PPP1R3A: variants seen among roughly 807,000 people sequenced by gnomAD.
PPP1R3A encodes the protein protein phosphatase 1 regulatory subunit 3A.
PPP1R3A carries 29 observed loss-of-function variants against 41.7 expected under a neutral mutation model. The ratio of observed to expected loss-of-function variants is 0.70; its 90% CI spans 0.52 to 0.95. The LOEUF (loss-of-function observed/expected upper bound fraction) is 0.95. Among genes scored for constraint, PPP1R3A ranks in the 40% least tolerant of loss-of-function variants. The pLI, the probability that PPP1R3A is intolerant of heterozygous loss-of-function variation, is 0.00. For missense variants in PPP1R3A, 1,352 were observed against 1,292.4 expected, an observed-to-expected ratio of 1.05 and a Z score of -0.71; for synonymous variants, 485 against 453.4, an observed-to-expected ratio of 1.07 and a Z score of -0.89.
intron 1 of PPP1R3A, among the ~76,000 whole-genome samples, chr7:113,901,418 T>C (rs550880789): frequency 1.3e-5 from 2 of 151,890 alleles, no homozygotes; most frequent in South Asian, 4.2e-4. Context: ...TACACAGGCA[T>C]TGCATAATTT....
chr7:113,891,084 C>CAAA (rs11342726), intron 1 of PPP1R3A, among the ~76,000 whole-genome samples: 1,885 of 79,622 alleles, frequency 0.024, 150 homozygotes, highest in African/African-American at 0.055. Context: ...GGAAAAAAAG[C>CAAA]AAAAAAAAAA....
At chr7:113,882,574 C>T (rs1014753247) in intron 1 of PPP1R3A, among the ~76,000 whole-genome samples, 2 of 151,840 alleles carry the variant, frequency 1.3e-5, no homozygotes, top group Non-Finnish European at 2.9e-5. Context: ...CACTCTATTT[C>T]TTAATATTTA....
At chr7:113,916,487 T>TATCAAAGGA (rs1330974693) in intron 1 of PPP1R3A, among the ~76,000 whole-genome samples, 2 of 152,082 alleles carry the variant, frequency 1.3e-5, no homozygotes, top group African/African-American at 4.8e-5. Flanking sequence ...AAGTTTGGCA[T>TATCAAAGGA]ATCAAAGGAA....
rs761685829 is a variant in PPP1R3A, at chr7:113,918,557, C to T, written c.440G>A (p.Arg147Gln). 12 of 1,612,716 alleles carry T rather than the reference C, an allele frequency of 7.4e-6. No individual in the cohort carries two copies. In the East Asian group the frequency reaches 1.6e-4, roughly 21 times the overall value. Residue 147 changes from arginine (R) to glutamine (Q), a missense_variant, in exon 1 of 4, where the codon CGA (arginine) becomes CAA (glutamine). Transcript: ENST00000284601. ...CTTCTCAAAAGAAACATTCAAAACT[C>T]GAATAATACCCTTGATACTTGTAGA... ...LGSTSIKGII[R>Q]VLNVSFEKLV...
At chr7:113,886,254 CCA>C (rs1332671327) in intron 1 of PPP1R3A, among the ~76,000 whole-genome samples, 1 of 152,002 alleles carries the variant, frequency 6.6e-6, no homozygotes, top group Non-Finnish European at 1.5e-5. Flanking sequence ...CCCACAATTC[CCA>C]CAGTGTCATG....
intron 1 of PPP1R3A, among the ~76,000 whole-genome samples, chr7:113,913,405 C>T (rs1797284483): frequency 6.6e-6 from 1 of 152,102 alleles, no homozygotes; most frequent in Non-Finnish European, 1.5e-5. Flanking sequence ...CCTCTGTATT[C>T]TTAAAATTAT....
chr7:113,903,828 T>C (rs1797103309), intron 1 of PPP1R3A, among the ~76,000 whole-genome samples: 1 of 151,710 alleles, frequency 6.6e-6, no homozygotes, highest in African/African-American at 2.4e-5. Context: ...ATTCCTTTCA[T>C]TTCAGACAGT....
intron 1 of PPP1R3A, among the ~76,000 whole-genome samples, chr7:113,893,480 T>C (rs1237683057): frequency 6.6e-6 from 1 of 152,026 alleles, no homozygotes; most frequent in Non-Finnish European, 1.5e-5. Context: ...ATTTCCATGA[T>C]ATTTTATTTA....
chr7:113,900,985 T>C (rs1320068281), intron 1 of PPP1R3A, among the ~76,000 whole-genome samples: 1 of 151,578 alleles, frequency 6.6e-6, no homozygotes, highest in Non-Finnish European at 1.5e-5. Flanking sequence ...TTTGATTAGA[T>C]TTACTGTAAC....
intron 1 of PPP1R3A, among the ~76,000 whole-genome samples, chr7:113,907,579 T>C (rs1358241022): frequency 6.6e-6 from 1 of 151,690 alleles, no homozygotes; most frequent in Non-Finnish European, 1.5e-5. Context: ...GCCAGCAAGA[T>C]GTAGTTTCAT....
chr7:113,879,430 C>A lies in PPP1R3A; in HGVS notation c.1662G>T (p.Gly554=). 6.2e-7 allele frequency: 1 copy of A among 1,613,498 alleles called. No homozygotes were observed. The highest frequency in any genetic ancestry group is 8.5e-7 in the Non-Finnish European group (1 of 1,179,716). ...CCAGGTCTCTGTTACTAGCTCCAAT[C>A]CCTGCCACACTTATTTTAGGGTTAC... ...KMGNPKISVA[G]IGASNRDLAT... Residue 554 remains glycine (G), a synonymous_variant, in exon 4 of 4, where the codon GGG becomes GGT. Coordinates refer to ENST00000284601, the MANE Select transcript of PPP1R3A (RefSeq NM_002711.4).
chr7:113,879,371 G>A lies in PPP1R3A; in HGVS notation c.1721C>T (p.Thr574Ile). The change falls in exon 4 of 4, where the codon ACC becomes ATC. Residue 574 changes from threonine (T) to isoleucine (I), a missense_variant. Transcript: ENST00000284601. ...TLLSEHTAIPTRAITADVSHS... is the reference protein window; with the variant it reads ...TLLSEHTAIPIRAITADVSHS... ...AGACACATCTGCTGTGATTGCCCGG[G>A]TGGGGATTGCGGTATGTTCGCTCAG... is the stretch of plus-strand genomic sequence containing the variant. 1.2e-6 allele frequency: 2 copies of A among 1,613,584 alleles called. No homozygotes were observed. Among genetic ancestry groups the A allele is most frequent in the Non-Finnish European group, 1.7e-6 (2 of 1,179,738 alleles).
chr7:113,880,433 T>C (rs1257366461), intron 3 of PPP1R3A, among the ~76,000 whole-genome samples: 2 of 152,054 alleles, frequency 1.3e-5, no homozygotes, highest in Non-Finnish European at 2.9e-5. Flanking sequence ...ACTTAGACTA[T>C]ACACATTGAT....
chr7:113,896,331 ACTC>A (rs546573999), intron 1 of PPP1R3A, among the ~76,000 whole-genome samples: 1 of 151,060 alleles, frequency 6.6e-6, no homozygotes, highest in Non-Finnish European at 1.5e-5. Context: ...CATTCAGAGA[ACTC>A]CTCCTCTTCA....
rs1796596302 is a variant in PPP1R3A, at chr7:113,877,851, A to C, written c.3241T>G (p.Leu1081Val). ...ACAGTTATAAGAAATATCAGAAACA[A>C]AAGGAAATAAGGTATTTTAGAGTTG... The part of the protein sequence containing the change: ...YTNSKIPYFL[L>V]FLIFLITVYH... Residue 1081 changes from leucine to valine, a missense_variant, in exon 4 of 4, where the codon TTG becomes GTG. By Grantham distance (32) the Leu-to-Val change is conservative. Coordinates refer to ENST00000284601, the MANE Select transcript of PPP1R3A (RefSeq NM_002711.4). 4 of 1,610,712 alleles carry C rather than the reference A, an allele frequency of 2.5e-6. No individual in the cohort carries two copies. Among genetic ancestry groups the C allele is most frequent in the African/African-American group, 1.3e-5 (1 of 74,776 alleles).
At chr7:113,916,035 A>G (rs1021396239) in intron 1 of PPP1R3A, among the ~76,000 whole-genome samples, 2 of 152,224 alleles carry the variant, frequency 1.3e-5, no homozygotes, top group Admixed American at 1.3e-4. Context: ...TTTCCTTTAT[A>G]CACTCCATTT....
intron 1 of PPP1R3A, among the ~76,000 whole-genome samples, chr7:113,913,753 T>TC (rs1011625356): frequency 6.6e-6 from 1 of 152,132 alleles, no homozygotes; most frequent in African/African-American, 2.4e-5. Flanking sequence ...GTACACAGTG[T>TC]CAGCTCTAGG....
At position 113,879,408 on chromosome 7, in the gene PPP1R3A, G is replaced by T; in HGVS notation, c.1684C>A (p.Leu562Met). The T allele has an allele frequency of 6.2e-7, 1 of 1,613,488 alleles. No homozygotes were observed. Among genetic ancestry groups the T allele is most frequent in the Middle Eastern group, 1.7e-4 (1 of 6,058 alleles). ...VAGIGASNRD[L>M]ATLLSEHTAI... is the part of the protein sequence containing the mutation. ...GTATGTTCGCTCAGCAGAGTAGCCAGGTCTCTGTTACTAGCTCCAATCCCT... is the reference window on the plus strand; with the variant it reads ...GTATGTTCGCTCAGCAGAGTAGCCATGTCTCTGTTACTAGCTCCAATCCCT... Residue 562 changes from leucine (L) to methionine (M), a missense_variant, in exon 4 of 4, where the codon CTG becomes ATG. By Grantham distance (15) the Leu-to-Met change is conservative. Transcript: ENST00000284601.
chr7:113,890,542 C>T (rs1323489136), intron 1 of PPP1R3A, among the ~76,000 whole-genome samples: 1 of 152,066 alleles, frequency 6.6e-6, no homozygotes, highest in Non-Finnish European at 1.5e-5. Flanking sequence ...ACACGAAGTG[C>T]CTCTTTACAT....
Sources: allele counts gnomAD v4.1 joint callset (sites outside exome capture counted in the v4.1 genomes callset), GRCh38; gene constraint gnomAD v4.1.1; transcripts MANE v1.5; gene names NCBI Gene and HGNC (gene_info 2026-07-23, HGNC 2026-07-21).